ABCB5: variants seen among roughly 807,000 people sequenced by gnomAD.
ABCB5 encodes ATP binding cassette subfamily B member 5, also known as ATP-binding cassette sub-family B member 5.
ABCB5 carries 155 observed loss-of-function variants against 144.2 expected under a neutral mutation model. The observed-to-expected ratio is 1.08, with a 90% CI of 0.94 to 1.23. ABCB5 has a LOEUF of 1.23. Ranked by LOEUF, ABCB5 falls within the 50% of genes most tolerant of loss-of-function variation. The pLI is 0.00. For missense variants in ABCB5, 1,830 were observed against 1,520.8 expected (o/e 1.20, Z -3.38); for synonymous variants, 610 against 528.6 (o/e 1.15, Z -2.11).
In ABCB5 at chr7:20,711,306, TC is replaced by T. The variant is rs1473686793; in HGVS notation, c.2421+6500del. Among the ~76,000 whole-genome samples, 2 of 149,722 alleles carry T rather than the reference TC, an allele frequency of 1.3e-5. 1 individual carries two copies. The highest frequency in any genetic ancestry group is 3.0e-5 in the Non-Finnish European group (2 of 67,328). On this transcript the variant is annotated intron_variant, in intron 20 of 27. Coordinates refer to ENST00000404938, the MANE Select transcript of ABCB5 (RefSeq NM_001163941.2). ...GTATCATTTTCCTTCTGCATCCAGG[TC>T]TTTTTTTCACCTTTCTTAAAGCGTT...
intron 1 of ABCB5, among the ~76,000 whole-genome samples, chr7:20,618,686 T>A (rs1783739935): frequency 6.6e-6 from 1 of 151,760 alleles, no homozygotes; most frequent in Non-Finnish European, 1.5e-5. Context: ...GTTTCCATGT[T>A]AATTCACTTA....
intron 1 of ABCB5, among the ~76,000 whole-genome samples, chr7:20,617,450 G>A (rs527389377): frequency 1.3e-5 from 2 of 152,152 alleles, no homozygotes; most frequent in Non-Finnish European, 2.9e-5. Flanking sequence ...ACAATATGTT[G>A]TCAGCACTAA....
chr7:20,752,293 T>C (rs1435855217), intron 26 of ABCB5, among the ~76,000 whole-genome samples: 1 of 152,114 alleles, frequency 6.6e-6, no homozygotes, highest in Non-Finnish European at 1.5e-5. Context: ...TAGAAAGCAA[T>C]GTGAAGCCTT....
intron 14 of ABCB5, among the ~76,000 whole-genome samples, chr7:20,669,979 G>C (rs1583413686): frequency 6.6e-6 from 1 of 152,206 alleles, no homozygotes; most frequent in South Asian, 2.1e-4. Context: ...AGTGGTATCA[G>C]CATAGGCTGA....
At chr7:20,736,007 T>A (rs1782367989) in intron 23 of ABCB5, among the ~76,000 whole-genome samples, 1 of 152,124 alleles carries the variant, frequency 6.6e-6, no homozygotes, top group Non-Finnish European at 1.5e-5. Context: ...AGAAAAGGAT[T>A]TAGGGCGGGA....
intron 21 of ABCB5, among the ~76,000 whole-genome samples, chr7:20,725,834 G>C (rs949095932): frequency 3.3e-5 from 5 of 152,102 alleles, no homozygotes; most frequent in Admixed American, 3.3e-4. Flanking sequence ...TACAAATGGA[G>C]GTTTCTTTAA....
intron 10 of ABCB5, 102 bp from the exon 11 acceptor site, chr7:20,647,866 G>A: frequency 9.2e-7 from 1 of 1,089,946 alleles, no homozygotes; most frequent in South Asian, 1.5e-5. Context: ...AAGCAGAAAG[G>A]AAACTGTCAT....
chr7:20,704,769 A>G lies in ABCB5; in HGVS notation c.2383A>G (p.Thr795Ala), dbSNP rs997418823. 1 of 1,613,880 alleles carries G rather than the reference A, an allele frequency of 6.2e-7. No homozygotes were observed. The highest frequency in any genetic ancestry group is 1.1e-5 in the South Asian group (1 of 91,070). Reference sequence around the variant, plus strand: ...AAAGGAAAACAGCACAGGAGGCTTGACAACAATATTAGCCATAGATATAGC... The same window carrying G: ...AAAGGAAAACAGCACAGGAGGCTTGGCAACAATATTAGCCATAGATATAGC... ...DEKENSTGGL[T>A]TILAIDIAQI... Residue 795 changes from threonine (T) to alanine (A), a missense_variant, in exon 20 of 28, where the codon ACA becomes GCA. Transcript: ENST00000404938.
intron 26 of ABCB5, 65 bp downstream of exon 26, chr7:20,745,503 T>G: frequency 7.0e-7 from 1 of 1,423,974 alleles, no homozygotes; most frequent in Admixed American, 1.8e-5. Flanking sequence ...CTACTGGGCC[T>G]ATGCAGTTGT....
intron 14 of ABCB5, chr7:20,659,322 C>T: frequency 2.9e-6 from 4 of 1,402,696 alleles, no homozygotes; most frequent in Middle Eastern, 5.3e-4. Flanking sequence ...CCCTTATAAA[C>T]CAGAGCCTTC....
At chr7:20,628,286 G>T (rs1331725703) in intron 3 of ABCB5, among the ~76,000 whole-genome samples, 3 of 151,908 alleles carry the variant, frequency 2.0e-5, no homozygotes, top group Non-Finnish European at 4.4e-5. Context: ...GTAATAGTTT[G>T]CTGAGTATGA....
At chr7:20,731,107 C>T (rs1471855665) in intron 23 of ABCB5, among the ~76,000 whole-genome samples, 2 of 151,876 alleles carry the variant, frequency 1.3e-5, no homozygotes, top group South Asian at 2.1e-4. Context: ...GTAGTCCCAA[C>T]ACTTTGGGAG....
In ABCB5 at chr7:20,655,264, G is replaced by C. The variant is rs879311730; in HGVS notation, c.1537-3242G>C. Among the ~76,000 whole-genome samples, 9 of 152,112 alleles carry C rather than the reference G, an allele frequency of 5.9e-5. No homozygotes were observed. The East Asian group carries it at 7.7e-4, about 13-fold the overall frequency. On this transcript the variant is annotated intron_variant, in intron 13 of 27. Coordinates refer to ENST00000404938, the MANE Select transcript of ABCB5 (RefSeq NM_001163941.2). ...AGGCAGGTGGATCACTTGAGGAAAG[G>C]AGTTTGTTACCAGCCTGGACAACAT...
intron 20 of ABCB5, among the ~76,000 whole-genome samples, chr7:20,722,414 A>T: frequency 6.6e-6 from 1 of 152,202 alleles, no homozygotes; most frequent in East Asian, 1.9e-4. Flanking sequence ...GCCACATAAA[A>T]GTCTCCCTTT....
At position 20,628,324 on chromosome 7, in the gene ABCB5, C is replaced by A. The variant is rs180883144; in HGVS notation, c.109-364C>A. 2.0e-5 allele frequency among the ~76,000 whole-genome samples: 3 copies of A among 152,240 alleles called. No homozygotes were observed. The East Asian group carries it at 5.8e-4, about 29-fold the overall frequency. On this transcript the variant is annotated intron_variant, in intron 3 of 27. Transcript: ENST00000404938. The stretch of plus-strand genomic sequence containing the variant: ...GTTTCCAGCTTCATCCATGTCCCTG[C>A]AAAGGACATGAACTCATCCATTTTT...
intron 23 of ABCB5, 80 bp from the exon 24 acceptor site, chr7:20,738,903 C>T: frequency 7.0e-7 from 1 of 1,420,088 alleles, no homozygotes; most frequent in Admixed American, 2.7e-5. Context: ...CCTGTGCCTG[C>T]TTTTTTCTTT....
chr7:20,640,505 G>C (rs73688304), intron 5 of ABCB5, among the ~76,000 whole-genome samples: 6,898 of 152,196 alleles, frequency 0.045, 453 homozygotes, highest in African/African-American at 0.14. Context: ...GCACTAAGGA[G>C]CGCTAGCCAT....
chr7:20,642,877 A>G (rs959266070), intron 5 of ABCB5, among the ~76,000 whole-genome samples: 4 of 152,162 alleles, frequency 2.6e-5, no homozygotes, highest in African/African-American at 9.7e-5. Context: ...TCCACCTACA[A>G]TTACCTTGAT....
intron 21 of ABCB5, among the ~76,000 whole-genome samples, chr7:20,724,589 A>T (rs1232452999): frequency 7.2e-6 from 1 of 138,170 alleles, no homozygotes; most frequent in Admixed American, 8.2e-5. Context: ...AGATTGCACC[A>T]CTGCACTCCA....
Sources: gnomAD v4.1 joint callset for allele counts (sites outside exome capture counted in the v4.1 genomes callset) on GRCh38, gnomAD v4.1.1 for gene constraint, MANE v1.5 for transcripts, NCBI Gene and HGNC (gene_info 2026-07-23, HGNC 2026-07-21) for gene names.